The following NRG3 variants were observed in gnomAD, a reference collection of about 807,000 sequenced individuals.
NRG3 encodes the protein neuregulin 3, also known as pro-neuregulin-3, membrane-bound isoform.
A neutral mutation model predicts 66.9 loss-of-function variants in NRG3; 31 were observed. The ratio of observed to expected loss-of-function variants is 0.46; its 90% CI spans 0.35 to 0.63. NRG3 has a LOEUF of 0.63. NRG3 is among the 20% of genes least tolerant of loss of function. NRG3 has a pLI of 0.00. For missense variants in NRG3, 910 were observed against 878.9 expected (o/e 1.04, Z -0.45); for synonymous variants, 393 against 359.4 (o/e 1.09, Z -1.06).
At chr10:82,302,164 C>T (rs771344162) in intron 1 of NRG3, among the ~76,000 whole-genome samples, 17 of 151,726 alleles carry the variant, frequency 1.1e-4, no homozygotes, top group Admixed American at 7.9e-4. Context: ...TTACCATCTG[C>T]AGCAGAAAAA....
chr10:82,138,247 T>C (rs1296605702), intron 1 of NRG3, among the ~76,000 whole-genome samples: 2 of 152,162 alleles, frequency 1.3e-5, no homozygotes, highest in Non-Finnish European at 2.9e-5. Flanking sequence ...ACCAGACTTA[T>C]TTGAAAACAT....
At chr10:82,106,786 T>G (rs2067092309) in intron 1 of NRG3, among the ~76,000 whole-genome samples, 1 of 152,118 alleles carries the variant, frequency 6.6e-6, no homozygotes, top group African/African-American at 2.4e-5. Flanking sequence ...GATTTACAGG[T>G]GCGAGCCACT....
intron 1 of NRG3, among the ~76,000 whole-genome samples, chr10:82,236,103 T>C (rs1356971518): frequency 6.6e-6 from 1 of 152,168 alleles, no homozygotes; most frequent in East Asian, 1.9e-4. Flanking sequence ...GTTTGGACAC[T>C]GTACTTTTAC....
chr10:82,009,890 A>T (rs1234637202), intron 1 of NRG3, among the ~76,000 whole-genome samples: 1 of 152,140 alleles, frequency 6.6e-6, no homozygotes, highest in African/African-American at 2.4e-5. Flanking sequence ...ATAGAAGCAC[A>T]TGTATTATGA....
At chr10:81,977,434 A>G (rs777118147) in intron 1 of NRG3, among the ~76,000 whole-genome samples, 1 of 152,142 alleles carries the variant, frequency 6.6e-6, no homozygotes, top group Non-Finnish European at 1.5e-5. Flanking sequence ...TGTATTTCGT[A>G]TTTATTATTT....
intron 1 of NRG3, among the ~76,000 whole-genome samples, chr10:82,185,204 A>C (rs1485485203): frequency 6.6e-6 from 1 of 152,088 alleles, no homozygotes; most frequent in African/African-American, 2.4e-5. Flanking sequence ...TAATGAAAGG[A>C]AACAAAAGAA....
intron 1 of NRG3, among the ~76,000 whole-genome samples, chr10:81,905,200 AC>A (rs1184249550): frequency 6.6e-6 from 1 of 152,210 alleles, no homozygotes; most frequent in African/African-American, 2.4e-5. Flanking sequence ...ATTTTTATAC[AC>A]TTACAAACCA....
At chr10:82,541,506 G>T (rs992222089) in intron 2 of NRG3, among the ~76,000 whole-genome samples, 1 of 152,050 alleles carries the variant, frequency 6.6e-6, no homozygotes, top group South Asian at 2.1e-4. Flanking sequence ...GAGCAAGCAG[G>T]GGGTACGTGA....
At chr10:82,630,534 C>G (rs1055514135) in intron 2 of NRG3, among the ~76,000 whole-genome samples, 1 of 151,708 alleles carries the variant, frequency 6.6e-6, no homozygotes, top group Non-Finnish European at 1.5e-5. Context: ...TAAGTTGGCC[C>G]GGACGTGGTG....
intron 1 of NRG3, among the ~76,000 whole-genome samples, chr10:82,060,328 A>C (rs1038779181): frequency 6.6e-6 from 1 of 152,254 alleles, no homozygotes; most frequent in Non-Finnish European, 1.5e-5. Flanking sequence ...AGGAGGATAG[A>C]GAATTACAGA....
intron 2 of NRG3, among the ~76,000 whole-genome samples, chr10:82,654,958 T>C (rs1459535030): frequency 6.6e-6 from 1 of 152,018 alleles, no homozygotes; most frequent in East Asian, 1.9e-4. Flanking sequence ...TATAAACAAT[T>C]TTATATTGAC....
intron 1 of NRG3, among the ~76,000 whole-genome samples, chr10:81,951,870 C>G (rs1036439126): frequency 6.6e-6 from 1 of 152,082 alleles, no homozygotes; most frequent in African/African-American, 2.4e-5. Context: ...TTGGAACCAA[C>G]CCAAATGTCC....
chr10:82,973,605 G>A (rs1851972500), intron 6 of NRG3, among the ~76,000 whole-genome samples, 183 bp from the exon 7 acceptor site: 1 of 152,152 alleles, frequency 6.6e-6, no homozygotes. Flanking sequence ...GATGGTTGGG[G>A]CAGGGGAGGT....
intron 2 of NRG3, among the ~76,000 whole-genome samples, chr10:82,590,737 T>C (rs1325576652): frequency 2.6e-5 from 4 of 152,214 alleles, no homozygotes; most frequent in Non-Finnish European, 5.9e-5. Context: ...CTGACACTGT[T>C]GATGCTCAAC....
In NRG3 at chr10:81,911,091, A is replaced by G. The variant is rs190598448; in HGVS notation, c.823+34928A>G. On this transcript the variant is annotated intron_variant, in intron 1 of 8. Coordinates refer to ENST00000372141, the MANE Select transcript of NRG3 (RefSeq NM_001010848.4). ...TTTTGTCTTTTTTATTTGGTTGCCA[A>G]TGTTATGATAGCCATTTCTTTCTCA... Among the ~76,000 whole-genome samples the G allele has an allele frequency of 1.3e-3, 194 of 152,256 alleles. 1 individual carries two copies. The highest frequency in any genetic ancestry group is 0.01 in the Middle Eastern group (3 of 294).
chr10:81,926,034 G>A (rs1846744095), intron 1 of NRG3, among the ~76,000 whole-genome samples: 1 of 152,028 alleles, frequency 6.6e-6, no homozygotes, highest in South Asian at 2.1e-4. Context: ...AGTAAGATTG[G>A]GATGCGAATG....
intron 2 of NRG3, among the ~76,000 whole-genome samples, chr10:82,737,853 C>T (rs1292336879): frequency 6.6e-6 from 1 of 152,170 alleles, no homozygotes; most frequent in Non-Finnish European, 1.5e-5. Context: ...TTGGTGCTTC[C>T]AGGCAAATTC....
At chr10:82,430,534 A>G (rs1317015056) in intron 2 of NRG3, among the ~76,000 whole-genome samples, 3 of 152,122 alleles carry the variant, frequency 2.0e-5, no homozygotes, top group Admixed American at 6.6e-5. Flanking sequence ...TGGGATTACA[A>G]GTGTGAGCCA....
At chr10:82,190,473 A>G (rs2074074771) in intron 1 of NRG3, among the ~76,000 whole-genome samples, 1 of 152,148 alleles carries the variant, frequency 6.6e-6, no homozygotes, top group South Asian at 2.1e-4. Flanking sequence ...TATTTTCTTA[A>G]TCTCTCAAAG....
Sources: allele counts gnomAD v4.1 joint callset (sites outside exome capture counted in the v4.1 genomes callset), GRCh38; gene constraint gnomAD v4.1.1; transcripts MANE v1.5; gene names NCBI Gene and HGNC (gene_info 2026-07-23, HGNC 2026-07-21).